NT5DC3: variants seen among roughly 807,000 people sequenced by gnomAD.
NT5DC3 encodes 5'-nucleotidase domain-containing protein 3.
A neutral mutation model predicts 67.8 loss-of-function variants in NT5DC3; 42 were observed. That is an observed-to-expected ratio of 0.62 (90% CI 0.48 to 0.80). The LOEUF (loss-of-function observed/expected upper bound fraction) is 0.80. Among genes scored for constraint, NT5DC3 ranks in the 30% least tolerant of loss-of-function variants. NT5DC3 has a pLI of 0.00. For synonymous variants in NT5DC3, 237 were observed against 255.6 expected (o/e 0.93, Z 0.69); for missense variants, 570 against 696.4 (o/e 0.82, Z 2.04).
intron 1 of NT5DC3, among the ~76,000 whole-genome samples, chr12:103,824,127 G>A (rs903441103): frequency 2.0e-5 from 3 of 152,198 alleles, no homozygotes; most frequent in Non-Finnish European, 4.4e-5. Context: ...ATATAGTTGT[G>A]TCCACTTAAT....
the NT5DC3 span, among the ~76,000 whole-genome samples, chr12:103,751,509 A>T: frequency 6.6e-6 from 1 of 152,090 alleles, no homozygotes; most frequent in Non-Finnish European, 1.5e-5. Flanking sequence ...CTGGGGAGGG[A>T]AGGTGACGAG....
the NT5DC3 span, among the ~76,000 whole-genome samples, chr12:103,764,509 A>G: frequency 1.3e-5 from 2 of 152,198 alleles, no homozygotes; most frequent in Non-Finnish European, 2.9e-5. Context: ...TACATAACAC[A>G]TGTGGAAGTA....
At chr12:103,754,618 T>C in the NT5DC3 span, among the ~76,000 whole-genome samples, 11 of 152,058 alleles carry the variant, frequency 7.2e-5, no homozygotes, top group Admixed American at 3.3e-4. Flanking sequence ...ACAATAATTA[T>C]AATAACGATG....
chr12:103,841,041 G>A lies in NT5DC3; in HGVS notation c.116C>T (p.Pro39Leu). 7.9e-7 allele frequency: 1 copy of A among 1,264,772 alleles called. No individual in the cohort carries two copies. The allele number at this position is 1,264,772 out of a possible 1,614,324, so 78.3% of individuals were successfully genotyped here. ...GGGTGCAGTGCACAAGGGCCGGGCG[G>A]GGCCCGCACACGGCCGCCCCCGAGC... is the stretch of plus-strand genomic sequence containing the variant. The part of the protein sequence containing the change: ...TAARGRPCAG[P>L]ARPLCTAPGT... The change falls in exon 1 of 14, where the codon CCC (proline) becomes CTC (leucine). Residue 39 changes from proline to leucine, a missense_variant. Physicochemically the swap from Pro to Leu is moderately conservative, Grantham distance 98. This residue lies in a region of NT5DC3 where 104 missense variants were observed against 88.4 expected (regional missense o/e 1.18). Coordinates refer to ENST00000392876, the MANE Select transcript of NT5DC3 (RefSeq NM_001031701.3).
intron 6 of NT5DC3, among the ~76,000 whole-genome samples, chr12:103,795,665 A>G (rs183213771): frequency 6.4e-4 from 97 of 152,130 alleles, no homozygotes; most frequent in African/African-American, 2.3e-3. Context: ...TCTTTAAAAA[A>G]TATATTTAAA....
chr12:103,784,290 A>G (rs1489399127), intron 12 of NT5DC3, among the ~76,000 whole-genome samples: 1 of 152,238 alleles, frequency 6.6e-6, no homozygotes, highest in African/African-American at 2.4e-5. Context: ...TCCTCATCAG[A>G]GGATTCTCAT....
chr12:103,823,712 T>C (rs185768153), intron 1 of NT5DC3, among the ~76,000 whole-genome samples: 136 of 151,710 alleles, frequency 9.0e-4, no homozygotes, highest in African/African-American at 3.1e-3. Flanking sequence ...GTTTCAAAAT[T>C]TCTTTTAAAA....
chr12:103,811,745 C>T (rs960145116), intron 2 of NT5DC3, among the ~76,000 whole-genome samples: 1 of 152,102 alleles, frequency 6.6e-6, no homozygotes, highest in African/African-American at 2.4e-5. Flanking sequence ...TTAGTTGTAA[C>T]AAATGTACCT....
downstream of NT5DC3, chr12:103,766,068 G>A (rs1884934886): frequency 1.5e-6 from 1 of 682,640 alleles, no homozygotes; most frequent in Non-Finnish European, 2.7e-6. Flanking sequence ...TTTGTCTTGG[G>A]CCACCCAGCT....
intron 9 of NT5DC3, among the ~76,000 whole-genome samples, chr12:103,792,848 G>T (rs1220240545): frequency 6.6e-6 from 1 of 152,154 alleles, no homozygotes; most frequent in Non-Finnish European, 1.5e-5. Context: ...GCTTCACAAT[G>T]TGTCTGCATC....
At chr12:103,765,913 A>G, downstream of NT5DC3, 1 of 360,290 alleles carries the variant, frequency 2.8e-6, no homozygotes, top group East Asian at 7.2e-5. Context: ...TTTCAAACCG[A>G]AAGGAGTTTT....
chr12:103,757,386 C>A, the NT5DC3 span, among the ~76,000 whole-genome samples: 1 of 152,212 alleles, frequency 6.6e-6, no homozygotes, highest in Non-Finnish European at 1.5e-5. Context: ...CCACACCCAG[C>A]CTGATCAGTG....
the NT5DC3 span, among the ~76,000 whole-genome samples, chr12:103,750,949 G>A: frequency 6.6e-5 from 10 of 152,286 alleles, no homozygotes; most frequent in South Asian, 2.1e-4. Context: ...AAAATCAGCC[G>A]GTTGTGGCAG....
At chr12:103,766,474 G>C (rs2139269105), downstream of NT5DC3, 1 of 1,015,556 alleles carries the variant, frequency 9.8e-7, no homozygotes, top group African/African-American at 1.6e-5. Context: ...TGGCTGATCT[G>C]GGGGTTGTTT....
At chr12:103,836,951 G>A (rs144991337) in intron 1 of NT5DC3, among the ~76,000 whole-genome samples, 3,063 of 152,278 alleles carry the variant, frequency 0.02, 98 homozygotes, top group African/African-American at 0.07. Context: ...ACCCCAGTAG[G>A]GACTCTGTGT....
intron 12 of NT5DC3, among the ~76,000 whole-genome samples, chr12:103,782,793 C>A (rs1885609631): frequency 6.6e-6 from 1 of 152,146 alleles, no homozygotes; most frequent in Non-Finnish European, 1.5e-5. Flanking sequence ...TTGAGACCAG[C>A]CTGGCTAACA....
chr12:103,793,240 C>T lies in NT5DC3; in HGVS notation c.943G>A (p.Gly315Arg), dbSNP rs1886146212. The change falls in exon 9 of 14, where the codon GGG (glycine) becomes AGG (arginine). Residue 315 changes from glycine to arginine, a missense_variant. By Grantham distance (125) the Gly-to-Arg change is moderately radical. Transcript: ENST00000392876. ...TCGAACAGGTCCCTCCAGTCTTTCC[C>T]AACGATATAACTCATCCCTTTGTCC... is the stretch of plus-strand genomic sequence containing the variant. ...FVDKGMSYIV[G>R]KDWRDLFDVV... 1.2e-6 allele frequency: 2 copies of T among 1,610,386 alleles called. No homozygotes were observed. Among genetic ancestry groups the T allele is most frequent in the Non-Finnish European group, 1.7e-6 (2 of 1,179,158 alleles).
chr12:103,797,837 C>T (rs1273277742), intron 5 of NT5DC3, among the ~76,000 whole-genome samples: 6 of 152,222 alleles, frequency 3.9e-5, no homozygotes, highest in Non-Finnish European at 8.8e-5. Flanking sequence ...GATAAACCCA[C>T]TGTAAAAGAT....
At chr12:103,805,084 G>A (rs1886742796) in intron 4 of NT5DC3, among the ~76,000 whole-genome samples, 1 of 151,538 alleles carries the variant, frequency 6.6e-6, no homozygotes. Context: ...AGTGAACCAG[G>A]CAAGACCTTC....
Sources: gnomAD v4.1 joint callset for allele counts (sites outside exome capture counted in the v4.1 genomes callset) on GRCh38, gnomAD v4.1.1 for gene constraint, gnomAD v4.1.1 regional missense constraint, MANE v1.5 for transcripts, NCBI Gene and HGNC (gene_info 2026-07-23, HGNC 2026-07-21) for gene names.